The following MYO9B variants were observed in gnomAD, a reference collection of about 807,000 sequenced individuals.
MYO9B encodes the protein unconventional myosin-IXb.
Under a neutral mutation model 229.5 loss-of-function variants are expected in MYO9B, and 71 were observed. That is an observed-to-expected ratio of 0.31 (90% CI 0.26 to 0.38). MYO9B has a LOEUF of 0.38. Among genes scored for constraint, MYO9B ranks in the 10% least tolerant of loss-of-function variants. The probability of loss-of-function intolerance (pLI) is 1.00; values close to 1 mark genes in which losing one functional copy is unlikely to be tolerated. For missense variants in MYO9B, 2,255 were observed against 2,920.5 expected (o/e 0.77, Z 5.25); for synonymous variants, 1,185 against 1,235.8 (o/e 0.96, Z 0.86).
Position 17,213,239 on chromosome 19 carries a change from C to G in MYO9B, c.*929C>G, listed in dbSNP as rs1045645. On this transcript the variant is annotated 3_prime_UTR_variant, in exon 40 of 40. Transcript: ENST00000682292. ...GACACCTGGACACGTGGCCACAAAT[C>G]TGGGACAAGGGGCCCCCGCACAGCA... 6.6e-6 allele frequency: 1 copy of G among 152,338 alleles called. No homozygotes were observed. Among genetic ancestry groups the G allele is most frequent in the Non-Finnish European group, 1.5e-5 (1 of 68,116 alleles). The allele number at this position is 152,338 out of a possible 1,614,324, so 9.4% of individuals were successfully genotyped here.
intron 2 of MYO9B, among the ~76,000 whole-genome samples, chr19:17,118,858 T>G (rs1275843406): frequency 6.6e-6 from 1 of 152,092 alleles, no homozygotes; most frequent in Non-Finnish European, 1.5e-5. Context: ...GTGGAAGGTG[T>G]AATTGTTAAT....
At chr19:17,097,320 C>G (rs1242923488) in intron 1 of MYO9B, among the ~76,000 whole-genome samples, 2 of 139,812 alleles carry the variant, frequency 1.4e-5, no homozygotes, top group Admixed American at 7.2e-5. Context: ...GACTCCATTT[C>G]AAAAAAATTA....
chr19:17,109,271 T>G (rs1350037080), intron 2 of MYO9B, among the ~76,000 whole-genome samples: 1 of 151,002 alleles, frequency 6.6e-6, no homozygotes, highest in Non-Finnish European at 1.5e-5. Context: ...TTCACCGTGT[T>G]AGCCAGAATG....
intron 28 of MYO9B, among the ~76,000 whole-genome samples, chr19:17,202,614 G>A (rs907019775): frequency 3.3e-5 from 5 of 152,104 alleles, no homozygotes; most frequent in Non-Finnish European, 7.4e-5. Flanking sequence ...ATACCATGCC[G>A]TGCCCATTTG....
intron 2 of MYO9B, among the ~76,000 whole-genome samples, chr19:17,141,995 A>G (rs1263598372): frequency 6.6e-6 from 1 of 152,132 alleles, no homozygotes; most frequent in Non-Finnish European, 1.5e-5. Flanking sequence ...TGGGCAACTT[A>G]GAGAGATGCG....
At chr19:17,135,606 T>C (rs768506080) in intron 2 of MYO9B, among the ~76,000 whole-genome samples, 1 of 152,188 alleles carries the variant, frequency 6.6e-6, no homozygotes, top group Admixed American at 6.6e-5. Context: ...TATTTTTAGA[T>C]GGGCTTTGAA....
Position 17,090,118 on chromosome 19 carries a change from C to CTTTTTTTTTTTTTTTTTTTTTTTTTTTT in MYO9B, c.-58-11526_-58-11499dup, listed in dbSNP as rs59440394. Among the ~76,000 whole-genome samples, 2 of 49,236 alleles carry CTTTTTTTTTTTTTTTTTTTTTTTTTTTT rather than the reference C, an allele frequency of 4.1e-5. 1 individual carries two copies. Among genetic ancestry groups the CTTTTTTTTTTTTTTTTTTTTTTTTTTTT allele is most frequent in the Non-Finnish European group, 7.4e-5 (2 of 26,926 alleles). 32.3% of individuals were successfully genotyped at this position (49,236 alleles called of 152,430 possible). A position where few individuals can be genotyped will look rare whatever the true frequency, so the allele number is the denominator to read the frequency against. On this transcript the variant is annotated intron_variant, in intron 1 of 39. Transcript: ENST00000682292. ...TATAGCATGAATCGGTGCTTCCTTCCTTTTTTTTTTTTTTTTTTTTTTTTT... is the reference window on the plus strand; with the variant it reads ...TATAGCATGAATCGGTGCTTCCTTCCTTTTTTTTTTTTTTTTTTTTTTTTTTTTTTTTTTTTTTTTTTTTTTTTTTTTT...
chr19:17,110,553 G>A (rs1028838732), intron 2 of MYO9B, among the ~76,000 whole-genome samples: 2 of 152,210 alleles, frequency 1.3e-5, no homozygotes, highest in Non-Finnish European at 2.9e-5. Context: ...GGGGGCCAAA[G>A]GCTGGGGTTC....
intron 2 of MYO9B, among the ~76,000 whole-genome samples, chr19:17,105,774 C>A (rs1599327990): frequency 2.0e-5 from 3 of 152,128 alleles, no homozygotes; most frequent in Admixed American, 2.0e-4. Context: ...TTCAGTTCCT[C>A]TTCCTCTCTG....
intron 18 of MYO9B, among the ~76,000 whole-genome samples, chr19:17,187,365 C>T (rs960665725): frequency 6.7e-6 from 1 of 148,732 alleles, no homozygotes; most frequent in East Asian, 2.0e-4. Context: ...TCCACCGAAT[C>T]CCCAGCACTT....
At chr19:17,091,053 T>G (rs900489397) in intron 1 of MYO9B, among the ~76,000 whole-genome samples, 2 of 152,086 alleles carry the variant, frequency 1.3e-5, no homozygotes, top group African/African-American at 2.4e-5. Context: ...GCTCTGATAA[T>G]CAAAACAGCG....
Position 17,098,055 on chromosome 19 carries a change from C to G in MYO9B, c.-58-3605C>G, listed in dbSNP as rs868040561. 1.6e-3 allele frequency among the ~76,000 whole-genome samples: 245 copies of G among 150,680 alleles called. 3 individuals carry two copies. Among genetic ancestry groups the G allele is most frequent in the African/African-American group, 5.8e-3 (237 of 41,152 alleles). ...TCTTCATCCTTCAGAACCCCCCCCC[C>G]CCACCTTTTTTTTCTTCACGATGGA... is the stretch of plus-strand genomic sequence containing the variant. On this transcript the variant is annotated intron_variant, in intron 1 of 39. Transcript: ENST00000682292.
intron 2 of MYO9B, among the ~76,000 whole-genome samples, chr19:17,109,908 A>G (rs1393068768): frequency 6.6e-6 from 1 of 152,120 alleles, no homozygotes; most frequent in Non-Finnish European, 1.5e-5. Flanking sequence ...GGACTTAGAC[A>G]TGTCTTTTTT....
intron 1 of MYO9B, among the ~76,000 whole-genome samples, chr19:17,090,838 C>A (rs2057631114): frequency 6.6e-6 from 1 of 152,114 alleles, no homozygotes; most frequent in Non-Finnish European, 1.5e-5. Context: ...GCTGAGCTGT[C>A]CCCCACAGGG....
chr19:17,186,107 G>A, intron 18 of MYO9B, 106 bp downstream of exon 18: 2 of 979,596 alleles, frequency 2.0e-6, no homozygotes, highest in Non-Finnish European at 3.2e-6. Context: ...GGGGGACGGT[G>A]CAGCAGTCCA....
At position 17,109,021 on chromosome 19, in the gene MYO9B, CT is replaced by C. The variant is rs1233518243; in HGVS notation, c.840+6472del. Among the ~76,000 whole-genome samples the C allele has an allele frequency of 7.0e-4, 104 of 148,316 alleles. 1 individual carries two copies. Among genetic ancestry groups the C allele is most frequent in the Non-Finnish European group, 4.2e-4 (28 of 67,156 alleles). On this transcript the variant is annotated intron_variant, in intron 2 of 39. Transcript: ENST00000682292. The stretch of plus-strand genomic sequence containing the variant: ...AGCCACCATGCCTGGCCCCAAGAAT[CT>C]TTTTTTTAATTTTATTTATTTATTT...
chr19:17,168,676 G>A (rs2145343060), intron 11 of MYO9B, among the ~76,000 whole-genome samples: 1 of 152,316 alleles, frequency 6.6e-6, no homozygotes, highest in African/African-American at 2.4e-5. Context: ...GCATACCTGT[G>A]GCCCCAGCTA....
intron 1 of MYO9B, among the ~76,000 whole-genome samples, chr19:17,094,690 C>T (rs1357229378): frequency 3.3e-5 from 5 of 152,208 alleles, no homozygotes; most frequent in Non-Finnish European, 7.4e-5. Context: ...ACCTGTAATC[C>T]CAGCACTTTG....
At position 17,079,714 on chromosome 19, in the gene MYO9B, G is replaced by A. The variant is rs115809826; in HGVS notation, c.-59+3840G>A. Among the ~76,000 whole-genome samples the A allele has an allele frequency of 4.2e-3, 644 of 152,228 alleles. 1 individual carries two copies. Among genetic ancestry groups the A allele is most frequent in the African/African-American group, 0.014 (596 of 41,532 alleles). On this transcript the variant is annotated intron_variant, in intron 1 of 39. Coordinates refer to ENST00000682292, the MANE Select transcript of MYO9B (RefSeq NM_004145.4). ...ATTGGAGGAGACGCTCTGGGGCCAC[G>A]GGACTGACGGTCCCTTCTGGGTGCT...
Sources: gnomAD v4.1 joint callset for allele counts (sites outside exome capture counted in the v4.1 genomes callset) on GRCh38, gnomAD v4.1.1 for gene constraint, MANE v1.5 for transcripts, NCBI Gene and HGNC (gene_info 2026-07-23, HGNC 2026-07-21) for gene names.